The following INPP5F variants were observed in gnomAD, a reference collection of about 807,000 sequenced individuals.
The protein encoded by INPP5F is inositol polyphosphate-5-phosphatase F, also known as phosphatidylinositide 4-phosphatase SAC2.
A neutral mutation model predicts 137.2 loss-of-function variants in INPP5F; 97 were observed. That is an observed-to-expected ratio of 0.71 (90% CI 0.60 to 0.84). The LOEUF is 0.84. Among genes scored for constraint, INPP5F ranks in the 40% least tolerant of loss-of-function variants. The probability of loss-of-function intolerance (pLI) is 0.00; values close to 1 mark genes in which losing one functional copy is unlikely to be tolerated. For missense variants in INPP5F, 1,271 were observed against 1,371.9 expected (o/e 0.93, Z 1.16); for synonymous variants, 504 against 476.9 (o/e 1.06, Z -0.74).
intron 9 of INPP5F, among the ~76,000 whole-genome samples, chr10:119,801,019 T>C (rs914052051): frequency 2.0e-5 from 3 of 146,546 alleles, no homozygotes; most frequent in African/African-American, 7.6e-5. Flanking sequence ...AGAACTGTAA[T>C]AGAAAAAATT....
chr10:119,776,428 G>T (rs184745251), intron 2 of INPP5F, among the ~76,000 whole-genome samples: 85 of 152,160 alleles, frequency 5.6e-4, no homozygotes, highest in Non-Finnish European at 1.0e-3. Context: ...GAAAAAAGAT[G>T]CCTCTTGGTT....
Position 119,781,623 on chromosome 10 carries a change from C to T in INPP5F, c.179-12C>T. Reference sequence around the variant, plus strand: ...AAAAACGCCAGACTTTATTATGACTCTCCTCTTTCAGATCTTCCATGGTGG... The same window carrying T: ...AAAAACGCCAGACTTTATTATGACTTTCCTCTTTCAGATCTTCCATGGTGG... On this transcript the variant is annotated splice_polypyrimidine_tract_variant and intron_variant, in intron 2 of 19. Coordinates refer to ENST00000650623, the MANE Select transcript of INPP5F (RefSeq NM_014937.4). 2 of 1,599,234 alleles carry T rather than the reference C, an allele frequency of 1.3e-6. No individual in the cohort carries two copies. The highest frequency in any genetic ancestry group is 1.7e-6 in the Non-Finnish European group (2 of 1,170,704).
Position 119,827,060 on chromosome 10 carries a change from T to A in INPP5F, c.2679T>A (p.Gly893=). The change falls in exon 20 of 20, where the codon GGT becomes GGA. Residue 893 remains glycine (G), a synonymous_variant. Transcript: ENST00000650623. ...TAGATTACGTTCTTCCTAGTTGTGG[T>A]ATTATTGCCTCAGCGCCTCGATTGG... ...GPIDYVLPSC[G]IIASAPRLGS... is the part of the protein sequence containing the mutation. 1 of 1,614,034 alleles carries A rather than the reference T, an allele frequency of 6.2e-7. No homozygotes were observed. The highest frequency in any genetic ancestry group is 2.2e-5 in the East Asian group (1 of 44,880).
intron 15 of INPP5F, among the ~76,000 whole-genome samples, chr10:119,814,011 A>G (rs1461325867): frequency 6.6e-6 from 1 of 151,832 alleles, no homozygotes; most frequent in African/African-American, 2.4e-5. Context: ...CAGTAAATGC[A>G]TCCTATTTTT....
At chr10:119,735,046 T>C (rs1467368003) in intron 1 of INPP5F, among the ~76,000 whole-genome samples, 1 of 152,226 alleles carries the variant, frequency 6.6e-6, no homozygotes, top group Non-Finnish European at 1.5e-5. Context: ...AATAGTATTT[T>C]TAAAGTGAGG....
intron 2 of INPP5F, among the ~76,000 whole-genome samples, chr10:119,767,618 A>G (rs77550482): frequency 0.036 from 5,435 of 152,288 alleles, 139 homozygotes; most frequent in Non-Finnish European, 0.055. Context: ...TCAATTAAAA[A>G]CCAAAGATGT....
chr10:119,726,231 G>A lies in INPP5F; in HGVS notation c.-32G>A, dbSNP rs1345547320. 2.0e-5 allele frequency: 28 copies of A among 1,397,796 alleles called. No homozygotes were observed. The highest frequency in any genetic ancestry group is 2.5e-5 in the Non-Finnish European group (27 of 1,065,244). The allele number at this position is 1,397,796 out of a possible 1,614,324, so 86.6% of individuals were successfully genotyped here. A position where few individuals can be genotyped will look rare whatever the true frequency, so the allele number is the denominator to read the frequency against. On this transcript the variant is annotated 5_prime_UTR_variant, in exon 1 of 20. Coordinates refer to ENST00000650623, the MANE Select transcript of INPP5F (RefSeq NM_014937.4). ...TAGGACGCCCCGTGCGCCGCCCGCGGGCCGCCGCCTCCCTGGGCGCGCGGG... is the reference window on the plus strand; with the variant it reads ...TAGGACGCCCCGTGCGCCGCCCGCGAGCCGCCGCCTCCCTGGGCGCGCGGG...
chr10:119,812,489 C>T (rs576191523), intron 15 of INPP5F, among the ~76,000 whole-genome samples: 1 of 150,852 alleles, frequency 6.6e-6, no homozygotes, highest in East Asian at 1.9e-4. Context: ...AGGCTGAAAT[C>T]TAAAATCATA....
intron 9 of INPP5F, among the ~76,000 whole-genome samples, chr10:119,802,173 A>C (rs1486754397): frequency 6.6e-6 from 1 of 152,096 alleles, no homozygotes; most frequent in Admixed American, 6.5e-5. Context: ...CTCTAATAAG[A>C]GATACAGGAA....
chr10:119,744,261 A>G (rs1848462077), intron 1 of INPP5F, among the ~76,000 whole-genome samples: 1 of 152,152 alleles, frequency 6.6e-6, no homozygotes, highest in South Asian at 2.1e-4. Context: ...AACACTTGCA[A>G]ATTGACTTGT....
intron 3 of INPP5F, among the ~76,000 whole-genome samples, 192 bp downstream of exon 3, chr10:119,781,963 C>T (rs953515321): frequency 6.6e-6 from 1 of 152,138 alleles, no homozygotes. Context: ...GTGTAGAAGA[C>T]ACATAAAGGC....
intron 1 of INPP5F, among the ~76,000 whole-genome samples, chr10:119,731,388 G>A (rs1589657309): frequency 6.6e-6 from 1 of 152,122 alleles, no homozygotes. Context: ...TTGTAGCTAG[G>A]CATGGTGGCT....
intron 9 of INPP5F, among the ~76,000 whole-genome samples, chr10:119,799,561 A>T (rs1850510101): frequency 6.6e-6 from 1 of 152,224 alleles, no homozygotes; most frequent in Non-Finnish European, 1.5e-5. Context: ...ATTGAAAAAA[A>T]ATATGAGGTT....
chr10:119,765,367 A>G (rs185420619), intron 2 of INPP5F, among the ~76,000 whole-genome samples: 56 of 151,918 alleles, frequency 3.7e-4, no homozygotes, highest in Non-Finnish European at 6.6e-4. Context: ...TAAAAGTTGT[A>G]TGTGGATATT....
At chr10:119,763,146 A>G (rs1440566108) in intron 2 of INPP5F, among the ~76,000 whole-genome samples, 1 of 152,242 alleles carries the variant, frequency 6.6e-6, no homozygotes, top group Non-Finnish European at 1.5e-5. Context: ...GTGGAGCCCT[A>G]GTAAGTCCAA....
rs375636242 is a variant in INPP5F, at chr10:119,807,227, C to T, written c.1441-705C>T. ...GGCGGAGGTTGTAGTGAGCCCAGAT[C>T]GTGCCACTGCACTCTAGCTTGGGAG... On this transcript the variant is annotated intron_variant, in intron 12 of 19. Transcript: ENST00000650623. 6.6e-5 allele frequency among the ~76,000 whole-genome samples: 10 copies of T among 152,146 alleles called. No individual in the cohort carries two copies. In the East Asian group the frequency reaches 1.4e-3, roughly 21 times the overall value.
In INPP5F at chr10:119,805,159, T is replaced by G. The variant is rs565974035; in HGVS notation, c.1242-225T>G. ...GGTGGGGAAAGAAGCTTCTGATGTCTGTAGTATGTTTTAATGTGTTTTTAA... is the reference window on the plus strand; with the variant it reads ...GGTGGGGAAAGAAGCTTCTGATGTCGGTAGTATGTTTTAATGTGTTTTTAA... On this transcript the variant is annotated intron_variant, in intron 10 of 19. Transcript: ENST00000650623. 5.9e-5 allele frequency among the ~76,000 whole-genome samples: 9 copies of G among 152,362 alleles called. 1 individual carries two copies. The South Asian group carries it at 1.2e-3, about 21-fold the overall frequency.
intron 1 of INPP5F, among the ~76,000 whole-genome samples, chr10:119,731,556 C>T (rs569232971): frequency 7.2e-5 from 11 of 152,102 alleles, no homozygotes; most frequent in African/African-American, 2.2e-4. Flanking sequence ...CCCAACTACT[C>T]GGGAGGCTAA....
Position 119,815,068 on chromosome 10 carries a change from T to C in INPP5F, c.1886+3113T>C, listed in dbSNP as rs1851212912. 1.3e-5 allele frequency among the ~76,000 whole-genome samples: 2 copies of C among 152,138 alleles called. 1 individual carries two copies. Among genetic ancestry groups the C allele is most frequent in the South Asian group, 4.1e-4 (2 of 4,820 alleles). On this transcript the variant is annotated intron_variant, in intron 15 of 19. Transcript: ENST00000650623. ...TTTTAATAGAGATGGCGTTTCACCC[T>C]GTTAGCCAGGATGGTCTCGATCTCC...
Sources: gnomAD v4.1 joint callset for allele counts (sites outside exome capture counted in the v4.1 genomes callset) on GRCh38, gnomAD v4.1.1 for gene constraint, MANE v1.5 for transcripts, NCBI Gene and HGNC (gene_info 2026-07-23, HGNC 2026-07-21) for gene names.